CNBD1: variants seen among roughly 807,000 people sequenced by gnomAD.
CNBD1 encodes the protein cyclic nucleotide-binding domain-containing protein 1.
Under a neutral mutation model 54.4 loss-of-function variants are expected in CNBD1, and 71 were observed. The ratio of observed to expected loss-of-function variants is 1.30; its 90% confidence interval spans 1.08 to 1.59. The LOEUF is 1.59. CNBD1 is among the 40% of genes most tolerant of loss of function. CNBD1 has a pLI of 0.00. For synonymous variants in CNBD1, 182 were observed against 170.7 expected (o/e 1.07, Z -0.51); for missense variants, 659 against 518.0 (o/e 1.27, Z -2.64).
At chr8:87,151,748 T>G (rs141743830) in intron 4 of CNBD1, among the ~76,000 whole-genome samples, 1 of 149,764 alleles carries the variant, frequency 6.7e-6, no homozygotes, top group African/African-American at 2.6e-5. Flanking sequence ...GATAATTAAA[T>G]GCATATTAAA....
chr8:87,413,832 A>G (rs1807791001), intron 2 of CNBD1, among the ~76,000 whole-genome samples: 1 of 151,126 alleles, frequency 6.6e-6, no homozygotes, highest in Non-Finnish European at 1.5e-5. Flanking sequence ...ATACCATCTC[A>G]CACCAGTTAG....
At chr8:87,415,490 T>C (rs972481124) in intron 2 of CNBD1, among the ~76,000 whole-genome samples, 46 of 152,042 alleles carry the variant, frequency 3.0e-4, no homozygotes, top group Non-Finnish European at 6.0e-4. Context: ...TCTCAGAACA[T>C]AGATATGCAT....
chr8:87,159,470 A>AGCTC (rs1812812177), intron 4 of CNBD1, among the ~76,000 whole-genome samples: 1 of 152,132 alleles, frequency 6.6e-6, no homozygotes, highest in Non-Finnish European at 1.5e-5. Context: ...CTCTTGCGAT[A>AGCTC]GCTCCTTTGT....
Position 87,182,551 on chromosome 8 carries a change from A to T in CNBD1, c.432-23442A>T, listed in dbSNP as rs542812064. ...CCCTTTTCTCCACAACCTTTCCAGC[A>T]TTTGTTATTTTTTGACTTTTTAATG... On this transcript the variant is annotated intron_variant, in intron 4 of 10. Transcript: ENST00000518476. The surrounding 1 kb of genome is among the most constrained non-coding windows in gnomAD (Gnocchi z 4.1). Among the ~76,000 whole-genome samples, 2 of 151,968 alleles carry T rather than the reference A, an allele frequency of 1.3e-5. No individual in the cohort carries two copies. Among genetic ancestry groups the T allele is most frequent in the South Asian group, 4.2e-4 (2 of 4,796 alleles).
At chr8:87,050,079 T>G (rs1810281023) in intron 4 of CNBD1, among the ~76,000 whole-genome samples, 1 of 152,328 alleles carries the variant, frequency 6.6e-6, no homozygotes, top group South Asian at 2.1e-4. Context: ...AAAGGATTTT[T>G]GGGCCTCAGA....
intron 4 of CNBD1, among the ~76,000 whole-genome samples, chr8:87,067,630 T>A (rs767804170): frequency 2.6e-5 from 4 of 151,998 alleles, no homozygotes; most frequent in Non-Finnish European, 4.4e-5. Flanking sequence ...TTTTCCAGTG[T>A]AAGTATAAGC....
Position 87,373,164 on chromosome 8 carries a change from T to C in CNBD1, c.1304-9456T>C, listed in dbSNP as rs538018685. Reference sequence around the variant, plus strand: ...TTGTGGGTTTAATTATTGGCTCTTATTTTTCTCTCAAGAAAAAAAGCAAAT... The same window carrying C: ...TTGTGGGTTTAATTATTGGCTCTTACTTTTCTCTCAAGAAAAAAAGCAAAT... On this transcript the variant is annotated intron_variant, in intron 10 of 10. Transcript: ENST00000518476. 2.8e-3 allele frequency among the ~76,000 whole-genome samples: 429 copies of C among 151,886 alleles called. 4 individuals carry two copies. Among genetic ancestry groups the C allele is most frequent in the Non-Finnish European group, 4.6e-3 (314 of 67,804 alleles).
chr8:86,949,697 G>C (rs1346271984), intron 4 of CNBD1, among the ~76,000 whole-genome samples: 1 of 151,878 alleles, frequency 6.6e-6, no homozygotes, highest in South Asian at 2.1e-4. Flanking sequence ...TTGCAGGTTA[G>C]ATGCCCTTTA....
chr8:87,208,096 G>T (rs1814016352), intron 5 of CNBD1, among the ~76,000 whole-genome samples: 1 of 151,978 alleles, frequency 6.6e-6, no homozygotes, highest in Admixed American at 6.6e-5. Context: ...CCTTCTAGTA[G>T]CCCCTCATCA....
At chr8:86,989,468 T>G (rs1808690800) in intron 4 of CNBD1, among the ~76,000 whole-genome samples, 1 of 152,150 alleles carries the variant, frequency 6.6e-6, no homozygotes, top group Non-Finnish European at 1.5e-5. Context: ...TTAATTTTTT[T>G]CAGATGGAGT....
chr8:87,390,500 T>C (rs1438457574), intron 2 of CNBD1, among the ~76,000 whole-genome samples: 1 of 152,188 alleles, frequency 6.6e-6, no homozygotes, highest in African/African-American at 2.4e-5. Flanking sequence ...ATGCTCATCA[T>C]CACTGGCCAT....
chr8:87,071,829 C>T (rs1056039587), intron 4 of CNBD1, among the ~76,000 whole-genome samples: 12 of 152,066 alleles, frequency 7.9e-5, no homozygotes, highest in Non-Finnish European at 1.8e-4. Flanking sequence ...ATCAAGTCCA[C>T]TTGATCTAGA....
chr8:87,406,032 A>C (rs1329396618), intron 2 of CNBD1, among the ~76,000 whole-genome samples: 2 of 152,126 alleles, frequency 1.3e-5, no homozygotes, highest in African/African-American at 2.4e-5. Context: ...TGGATATTGA[A>C]GCAGAGCTTG....
At chr8:87,084,986 C>A (rs574595994) in intron 4 of CNBD1, among the ~76,000 whole-genome samples, 2 of 152,214 alleles carry the variant, frequency 1.3e-5, no homozygotes, top group East Asian at 1.9e-4. Context: ...ATTTAGTTTT[C>A]TTTTTAAACA....
At chr8:87,358,181 A>G (rs139908110) in intron 10 of CNBD1, among the ~76,000 whole-genome samples, 1 of 152,304 alleles carries the variant, frequency 6.6e-6, no homozygotes, top group Non-Finnish European at 1.5e-5. Context: ...AGCCTTGGGT[A>G]TTCCTTCATA....
At chr8:87,082,320 C>A (rs187317238) in intron 4 of CNBD1, among the ~76,000 whole-genome samples, 1 of 152,148 alleles carries the variant, frequency 6.6e-6, no homozygotes, top group African/African-American at 2.4e-5. Flanking sequence ...TATAAAACTG[C>A]CCCACCCCTA....
chr8:87,404,106 T>TG (rs1807614239), intron 2 of CNBD1, among the ~76,000 whole-genome samples: 2 of 151,958 alleles, frequency 1.3e-5, no homozygotes, highest in African/African-American at 4.8e-5. Flanking sequence ...GGGAAGGTAT[T>TG]AGATCAAGAG....
intron 4 of CNBD1, among the ~76,000 whole-genome samples, chr8:87,026,066 CCTT>C (rs1258791492): frequency 6.6e-6 from 1 of 152,126 alleles, no homozygotes; most frequent in Admixed American, 6.5e-5. Flanking sequence ...TTCCAAATCA[CCTT>C]CTATTTAAGG....
chr8:87,229,138 C>G (rs535490562), intron 5 of CNBD1, among the ~76,000 whole-genome samples: 1 of 152,288 alleles, frequency 6.6e-6, no homozygotes, highest in Non-Finnish European at 1.5e-5. Flanking sequence ...CACTGACCTG[C>G]GCCCGCTGTC....
Sources: allele counts gnomAD v4.1 joint callset (sites outside exome capture counted in the v4.1 genomes callset), GRCh38; gene constraint gnomAD v4.1.1; non-coding constraint Gnocchi (gnomAD v3.1); transcripts MANE v1.5; gene names NCBI Gene and HGNC (gene_info 2026-07-23, HGNC 2026-07-21).